UPF3A: variants seen among roughly 807,000 people sequenced by gnomAD.
UPF3A encodes the protein UPF3A regulator of nonsense mediated mRNA decay.
A neutral mutation model predicts 53.5 loss-of-function variants in UPF3A; 42 were observed. The ratio of observed to expected loss-of-function variants is 0.78; its 90% CI spans 0.61 to 1.01. UPF3A has a LOEUF of 1.01. UPF3A is among the 50% of genes least tolerant of loss of function. UPF3A has a pLI of 0.00. For missense variants in UPF3A, 575 were observed against 598.0 expected, an observed-to-expected ratio of 0.96 and a Z score of 0.40; for synonymous variants, 237 against 225.3, an observed-to-expected ratio of 1.05 and a Z score of -0.47.
At chr13:114,295,956 G>A (rs1594814528) in intron 7 of UPF3A, among the ~76,000 whole-genome samples, 3 of 152,328 alleles carry the variant, frequency 2.0e-5, no homozygotes, top group South Asian at 2.1e-4. Context: ...AGAAAGCCAA[G>A]GCAGGACTAG....
At chr13:114,291,125 T>G (rs549876833) in intron 5 of UPF3A, among the ~76,000 whole-genome samples, 4 of 152,348 alleles carry the variant, frequency 2.6e-5, no homozygotes, top group African/African-American at 9.6e-5. Flanking sequence ...ATTACAAGAA[T>G]CCATGTTATT....
intron 8 of UPF3A, among the ~76,000 whole-genome samples, chr13:114,301,284 AC>A (rs1309521947): frequency 6.6e-6 from 1 of 151,886 alleles, no homozygotes; most frequent in Non-Finnish European, 1.5e-5. Flanking sequence ...ACACAGTGAA[AC>A]CCCGTCTCTA....
At chr13:114,294,273 T>TGGGGG (rs11455010) in intron 7 of UPF3A, among the ~76,000 whole-genome samples, 1 of 143,160 alleles carries the variant, frequency 7.0e-6, no homozygotes, top group African/African-American at 2.6e-5. Context: ...TTGGTTTTGG[T>TGGGGG]GGGGGGGGGG....
intron 7 of UPF3A, among the ~76,000 whole-genome samples, chr13:114,298,591 T>C (rs1226284844): frequency 1.3e-5 from 2 of 152,158 alleles, no homozygotes; most frequent in Non-Finnish European, 2.9e-5. Flanking sequence ...TTTTTAGCCC[T>C]TTATTCATTA....
intron 7 of UPF3A, among the ~76,000 whole-genome samples, chr13:114,296,938 C>G (rs984234537): frequency 5.9e-5 from 9 of 152,170 alleles, no homozygotes; most frequent in African/African-American, 2.2e-4. Context: ...GTTACTGTTG[C>G]AATTTTTATA....
At chr13:114,294,412 C>G (rs1275276162) in intron 7 of UPF3A, among the ~76,000 whole-genome samples, 1 of 151,858 alleles carries the variant, frequency 6.6e-6, no homozygotes, top group East Asian at 1.9e-4. Flanking sequence ...GGTGCAACAT[C>G]ATACCTGAAT....
At chr13:114,290,485 C>A (rs1459818406) in intron 5 of UPF3A, among the ~76,000 whole-genome samples, 3 of 152,202 alleles carry the variant, frequency 2.0e-5, no homozygotes, top group African/African-American at 7.2e-5. Flanking sequence ...CGTCTTCCCC[C>A]TTCCCATTTG....
At chr13:114,303,448 G>A (rs2086773644) in intron 9 of UPF3A, among the ~76,000 whole-genome samples, 1 of 152,282 alleles carries the variant, frequency 6.6e-6, no homozygotes, top group African/African-American at 2.4e-5. Context: ...TCTAAGGTCA[G>A]GCTCCATGCT....
chr13:114,282,556 C>T, intron 2 of UPF3A: 1 of 985,490 alleles, frequency 1.0e-6, no homozygotes, highest in South Asian at 4.7e-5. Context: ...CTCTCGGCGC[C>T]ACGGGTTCCT....
intron 7 of UPF3A, among the ~76,000 whole-genome samples, chr13:114,295,162 G>C (rs2085762838): frequency 1.3e-5 from 2 of 152,084 alleles, no homozygotes; most frequent in African/African-American, 4.8e-5. Flanking sequence ...CAGCTCAGCT[G>C]TTTAATGTTC....
chr13:114,304,142 G>A (rs1428382179), intron 9 of UPF3A, among the ~76,000 whole-genome samples: 5 of 152,220 alleles, frequency 3.3e-5, no homozygotes, highest in Admixed American at 1.3e-4. Flanking sequence ...GCTGGAAGCC[G>A]CCTTCCTCCT....
At chr13:114,297,441 T>C (rs1436423581) in intron 7 of UPF3A, among the ~76,000 whole-genome samples, 2 of 152,214 alleles carry the variant, frequency 1.3e-5, no homozygotes, top group African/African-American at 4.8e-5. Flanking sequence ...TTAAAAATTT[T>C]TTTTTCCTTA....
Position 114,282,092 on chromosome 13 carries a change from A to G in UPF3A, c.279A>G (p.Ala93=). The change falls in exon 2 of 10, where the codon GCA becomes GCG. Residue 93 remains alanine, a synonymous_variant. Coordinates refer to ENST00000375299, the MANE Select transcript of UPF3A (RefSeq NM_023011.4). ...QLEEQLRPLP[A]HDYFEFFAAD... ...AGGAGCAGCTGCGCCCGCTGCCAGC[A>G]CACGACTACTTCGAGTTCTTCGCCG... is the stretch of plus-strand genomic sequence containing the variant. The G allele has an allele frequency of 1.3e-6, 2 of 1,579,096 alleles. No homozygotes were observed. The highest frequency in any genetic ancestry group is 1.7e-6 in the Non-Finnish European group (2 of 1,163,598).
chr13:114,282,791 T>A, intron 2 of UPF3A, 46 bp from the exon 3 acceptor site: 1 of 1,568,564 alleles, frequency 6.4e-7, no homozygotes, highest in Non-Finnish European at 8.7e-7. Context: ...ATTAATGGAC[T>A]ATTGTATTTT....
At chr13:114,294,611 G>C (rs1375311263) in intron 7 of UPF3A, among the ~76,000 whole-genome samples, 1 of 152,186 alleles carries the variant, frequency 6.6e-6, no homozygotes, top group Non-Finnish European at 1.5e-5. Context: ...GTATCACGAG[G>C]TCAGGAGATC....
intron 2 of UPF3A, chr13:114,282,378 C>T: frequency 8.5e-7 from 1 of 1,171,324 alleles, no homozygotes; most frequent in Non-Finnish European, 1.1e-6. Context: ...AAAGCGGGTG[C>T]CTTTGAAAGG....
chr13:114,281,603 CG>C lies in UPF3A; in HGVS notation c.-32del. 1 of 1,388,310 alleles carries C rather than the reference CG, an allele frequency of 7.2e-7. No individual in the cohort carries two copies. The highest frequency in any genetic ancestry group is 9.3e-7 in the Non-Finnish European group (1 of 1,074,112). The allele number at this position is 1,388,310 out of a possible 1,614,324, so 86.0% of individuals were successfully genotyped here. ...CGGCCGAGCTCTCGCGAGGTTTCGT[CG>C]GGGGCTGGCGGCTGCGGCTCGGCGG... On this transcript the variant is annotated 5_prime_UTR_variant, in exon 1 of 10. Coordinates refer to ENST00000375299, the MANE Select transcript of UPF3A (RefSeq NM_023011.4).
At chr13:114,289,751 T>C (rs1006442626) in intron 5 of UPF3A, among the ~76,000 whole-genome samples, 2 of 152,170 alleles carry the variant, frequency 1.3e-5, no homozygotes, top group African/African-American at 4.8e-5. Flanking sequence ...GCTCTGAGAC[T>C]TCTGTTTACT....
chr13:114,291,157 C>T (rs546692964), intron 5 of UPF3A, among the ~76,000 whole-genome samples: 16 of 152,120 alleles, frequency 1.1e-4, no homozygotes, highest in South Asian at 2.1e-4. Flanking sequence ...GCTTGGAGAA[C>T]GGAAAACGAA....
Sources: gnomAD v4.1 joint callset for allele counts (sites outside exome capture counted in the v4.1 genomes callset) on GRCh38, gnomAD v4.1.1 for gene constraint, MANE v1.5 for transcripts, NCBI Gene and HGNC (gene_info 2026-07-23, HGNC 2026-07-21) for gene names.